Variants in CWC27 observed in about 807,000 individuals in gnomAD.
The protein encoded by CWC27 is CWC27 spliceosome associated cyclophilin, also known as spliceosome-associated protein CWC27 homolog.
CWC27 carries 47 observed loss-of-function variants against 63.6 expected under a neutral mutation model. The observed-to-expected ratio is 0.74, with a 90% confidence interval of 0.58 to 0.94. The LOEUF is 0.94. Ranked by LOEUF, CWC27 falls within the 40% of genes least tolerant of loss-of-function variation. CWC27 has a pLI of 0.00. For missense variants in CWC27, 495 were observed against 554.3 expected, an observed-to-expected ratio of 0.89 and a Z score of 1.07; for synonymous variants, 175 against 179.8, an observed-to-expected ratio of 0.97 and a Z score of 0.22.
At chr5:64,779,774 C>T (rs986273235) in intron 2 of CWC27, among the ~76,000 whole-genome samples, 3 of 152,112 alleles carry the variant, frequency 2.0e-5, no homozygotes, top group African/African-American at 7.2e-5. Flanking sequence ...AGGGCAGGAC[C>T]AGGTGGAAGT....
At chr5:64,933,495 CT>C (rs763750959) in intron 11 of CWC27, among the ~76,000 whole-genome samples, 5,512 of 138,400 alleles carry the variant, frequency 0.04, 139 homozygotes, top group African/African-American at 0.13. Flanking sequence ...TTTTCTTTCT[CT>C]TTTTTTTTTT....
chr5:64,884,549 A>G (rs1245469693), intron 10 of CWC27, among the ~76,000 whole-genome samples: 1 of 152,214 alleles, frequency 6.6e-6, no homozygotes. Flanking sequence ...TGGCTTTAAT[A>G]TCTTTGATAA....
intron 11 of CWC27, among the ~76,000 whole-genome samples, chr5:64,931,055 A>C (rs1206322729): frequency 6.6e-6 from 1 of 152,130 alleles, no homozygotes; most frequent in Non-Finnish European, 1.5e-5. Context: ...ACAAAGGAAA[A>C]AATAATACTA....
chr5:64,811,490 A>C (rs1412947966), intron 10 of CWC27, among the ~76,000 whole-genome samples: 1 of 152,072 alleles, frequency 6.6e-6, no homozygotes, highest in Admixed American at 6.6e-5. Context: ...AATTACATCA[A>C]ATTGAAATAT....
intron 11 of CWC27, among the ~76,000 whole-genome samples, chr5:64,929,849 C>T (rs1009213354): frequency 1.3e-5 from 2 of 151,184 alleles, no homozygotes; most frequent in South Asian, 2.1e-4. Flanking sequence ...TCATATGACC[C>T]AGCAGTTACA....
intron 7 of CWC27, among the ~76,000 whole-genome samples, chr5:64,790,137 A>G (rs1387623293): frequency 6.6e-6 from 1 of 152,062 alleles, no homozygotes; most frequent in Non-Finnish European, 1.5e-5. Flanking sequence ...TGAGTGATGT[A>G]TTTGATGCCA....
At chr5:64,847,997 G>A (rs1042932080) in intron 10 of CWC27, among the ~76,000 whole-genome samples, 1 of 151,756 alleles carries the variant, frequency 6.6e-6, no homozygotes, top group Non-Finnish European at 1.5e-5. Context: ...CTAAAGCTAG[G>A]AGAGAAAAAA....
chr5:64,905,759 A>G (rs1279011334), intron 11 of CWC27, among the ~76,000 whole-genome samples: 1 of 152,078 alleles, frequency 6.6e-6, no homozygotes, highest in Non-Finnish European at 1.5e-5. Flanking sequence ...TATATGTGCC[A>G]TGTTGGTTTG....
At chr5:64,868,032 A>G (rs904576022) in intron 10 of CWC27, among the ~76,000 whole-genome samples, 8 of 152,072 alleles carry the variant, frequency 5.3e-5, no homozygotes, top group Admixed American at 5.3e-4. Flanking sequence ...GAACTACAAT[A>G]GTATTGTGCT....
intron 11 of CWC27, among the ~76,000 whole-genome samples, chr5:64,926,941 A>C (rs184508845): frequency 7.2e-5 from 11 of 152,368 alleles, no homozygotes; most frequent in Non-Finnish European, 1.6e-4. Context: ...AGGTGGTTGC[A>C]AAAGTGAATA....
intron 6 of CWC27, among the ~76,000 whole-genome samples, chr5:64,787,640 T>C (rs534221878): frequency 5.9e-5 from 9 of 152,064 alleles, no homozygotes; most frequent in African/African-American, 2.2e-4. Flanking sequence ...TTCCAAAAAA[T>C]AGGAATGAAA....
rs1332317973 is a variant in CWC27, at chr5:64,768,945, C to A, written c.-202C>A. On this transcript the variant is annotated 5_prime_UTR_variant, in exon 1 of 14. Transcript: ENST00000381070. ...TCTCAGGGTTAGCGGTGCTCGGGTCCGGTAACAACATGGCGGCGTCCGTGA... is the reference window on the plus strand; with the variant it reads ...TCTCAGGGTTAGCGGTGCTCGGGTCAGGTAACAACATGGCGGCGTCCGTGA... 1 of 583,302 alleles carries A rather than the reference C, an allele frequency of 1.7e-6. No homozygotes were observed. The highest frequency in any genetic ancestry group is 3.1e-6 in the Non-Finnish European group (1 of 326,274). The allele number at this position is 583,302 out of a possible 1,614,324, so 36.1% of individuals were successfully genotyped here. A position where few individuals can be genotyped will look rare whatever the true frequency, so the allele number is the denominator to read the frequency against.
At chr5:64,973,414 A>G (rs1440425818) in intron 12 of CWC27, among the ~76,000 whole-genome samples, 1 of 152,226 alleles carries the variant, frequency 6.6e-6, no homozygotes, top group African/African-American at 2.4e-5. Context: ...TAAACAGAGT[A>G]TGCCAAGATT....
chr5:64,928,662 A>C (rs1373031257), intron 11 of CWC27, among the ~76,000 whole-genome samples: 1 of 152,178 alleles, frequency 6.6e-6, no homozygotes. Flanking sequence ...TATTTTTATA[A>C]GGAATAGCAG....
intron 10 of CWC27, among the ~76,000 whole-genome samples, chr5:64,868,884 G>C (rs1746597932): frequency 6.6e-6 from 1 of 151,700 alleles, no homozygotes; most frequent in African/African-American, 2.4e-5. Context: ...TATCATCTTT[G>C]CATATACCCT....
At chr5:64,814,827 G>T (rs922721963) in intron 10 of CWC27, among the ~76,000 whole-genome samples, 2 of 152,120 alleles carry the variant, frequency 1.3e-5, no homozygotes, top group Non-Finnish European at 2.9e-5. Context: ...GCAGAAAGAC[G>T]AATTAGATTA....
At chr5:64,846,977 G>C (rs1383012912) in intron 10 of CWC27, among the ~76,000 whole-genome samples, 1 of 92,240 alleles carries the variant, frequency 1.1e-5, no homozygotes, top group East Asian at 3.9e-4. Flanking sequence ...CTGGGTGACA[G>C]AATAAGACTC....
chr5:64,896,101 G>A (rs571830169), intron 11 of CWC27, among the ~76,000 whole-genome samples: 10 of 152,268 alleles, frequency 6.6e-5, no homozygotes, highest in Admixed American at 2.6e-4. Flanking sequence ...ATACATCAGA[G>A]CATTCAACAC....
chr5:64,782,622 G>A (rs1463833245), intron 3 of CWC27, among the ~76,000 whole-genome samples: 1 of 152,124 alleles, frequency 6.6e-6, no homozygotes, highest in Non-Finnish European at 1.5e-5. Context: ...AGTTGTGTTT[G>A]TTATTAATTT....
Sources: gnomAD v4.1 joint callset for allele counts (sites outside exome capture counted in the v4.1 genomes callset) on GRCh38, gnomAD v4.1.1 for gene constraint, MANE v1.5 for transcripts, NCBI Gene and HGNC (gene_info 2026-07-23, HGNC 2026-07-21) for gene names.